LIMCH1: variants seen among roughly 807,000 people sequenced by gnomAD.
LIMCH1 encodes the protein LIM and calponin homology domains-containing protein 1.
Under a neutral mutation model 176.5 loss-of-function variants are expected in LIMCH1, and 113 were observed. The observed-to-expected ratio is 0.64, with a 90% CI of 0.55 to 0.75. The LOEUF (loss-of-function observed/expected upper bound fraction) is 0.75. Among genes scored for constraint, LIMCH1 ranks in the 30% least tolerant of loss-of-function variants. The pLI is 0.00. For synonymous variants in LIMCH1, 619 were observed against 645.9 expected (o/e 0.96, Z 0.63); for missense variants, 1,674 against 1,814.9 (o/e 0.92, Z 1.41).
intron 20 of LIMCH1, among the ~76,000 whole-genome samples, chr4:41,665,327 G>T (rs2094785658): frequency 6.6e-6 from 1 of 152,178 alleles, no homozygotes; most frequent in South Asian, 2.1e-4. Flanking sequence ...CCACTACAAG[G>T]AAATGCTATG....
intron 1 of LIMCH1, among the ~76,000 whole-genome samples, chr4:41,455,675 A>G (rs2064504522): frequency 6.6e-6 from 1 of 152,254 alleles, no homozygotes; most frequent in South Asian, 2.1e-4. Flanking sequence ...TGTATGGCAA[A>G]CATGCTGATG....
At chr4:41,382,849 T>A (rs2055900633) in intron 1 of LIMCH1, among the ~76,000 whole-genome samples, 1 of 152,164 alleles carries the variant, frequency 6.6e-6, no homozygotes, top group Admixed American at 6.5e-5. Context: ...TGGAGTGCAG[T>A]GGCACAATCT....
In LIMCH1 at chr4:41,633,648, C is replaced by A. The variant is rs780849247; in HGVS notation, c.1930C>A (p.Arg644=). The A allele has an allele frequency of 1.3e-6, 2 of 1,535,928 alleles. No homozygotes were observed. The highest frequency in any genetic ancestry group is 1.4e-5 in the African/African-American group (1 of 72,998). The change falls in exon 13 of 32, where the codon CGA becomes AGA. Residue 644 remains arginine (R), a synonymous_variant. Coordinates refer to ENST00000503057, the MANE Select transcript of LIMCH1 (RefSeq NM_001330672.2). ...GAGTGGCAGTGGACTGAAAGGCCAG[C>A]GAAAGTTGGATGATTCACGAAAAGA... The part of the protein sequence containing the change: ...AWSGSGLKGQ[R]KLDDSRKDDM...
intron 1 of LIMCH1, among the ~76,000 whole-genome samples, chr4:41,461,817 G>T (rs2065403500): frequency 6.6e-6 from 1 of 152,198 alleles, no homozygotes; most frequent in African/African-American, 2.4e-5. Context: ...GCTTTGCATG[G>T]AAATCATTAC....
At chr4:41,439,145 A>G (rs550924187) in intron 1 of LIMCH1, among the ~76,000 whole-genome samples, 73 of 152,328 alleles carry the variant, frequency 4.8e-4, no homozygotes, top group African/African-American at 1.7e-3. Context: ...ACAAACTTGA[A>G]TTCCAGCAAG....
intron 1 of LIMCH1, among the ~76,000 whole-genome samples, chr4:41,572,320 C>T (rs545248141): frequency 4.4e-4 from 67 of 152,082 alleles, no homozygotes; most frequent in African/African-American, 1.4e-3. Context: ...CAAAATTTGA[C>T]GATTGGCAAT....
chr4:41,454,158 C>T (rs967631071), intron 1 of LIMCH1, among the ~76,000 whole-genome samples: 3 of 152,146 alleles, frequency 2.0e-5, no homozygotes, highest in African/African-American at 4.8e-5. Flanking sequence ...ATGCTCCCTT[C>T]ATGACCCTCA....
chr4:41,396,278 GT>G (rs1413689602), intron 1 of LIMCH1, among the ~76,000 whole-genome samples: 1 of 152,000 alleles, frequency 6.6e-6, no homozygotes, highest in South Asian at 2.1e-4. Flanking sequence ...CTTTGTTAAG[GT>G]TTCAAAAATA....
At chr4:41,427,114 GGC>G (rs2061180571) in intron 1 of LIMCH1, among the ~76,000 whole-genome samples, 1 of 152,180 alleles carries the variant, frequency 6.6e-6, no homozygotes, top group Non-Finnish European at 1.5e-5. Flanking sequence ...CAGAGAAAGT[GGC>G]AGGACTTAAG....
rs2093315811 is a variant in LIMCH1, at chr4:41,631,383, G to A, written c.1507G>A (p.Gly503Ser). 1 of 1,536,140 alleles carries A rather than the reference G, an allele frequency of 6.5e-7. No homozygotes were observed. Among genetic ancestry groups the A allele is most frequent in the Non-Finnish European group, 8.7e-7 (1 of 1,146,942 alleles). ...GGATGAAGAAGAAGTCATCTGTCAT[G>A]GCAGCAAGATTCAAATGGACTCTGT... ...REDEEEVICH[G>S]SKIQMDSVSP... Residue 503 changes from glycine (G) to serine (S), a missense_variant, in exon 10 of 32, where the codon GGC becomes AGC. Physicochemically the swap from Gly to Ser is moderately conservative, Grantham distance 56. This residue lies in a region of LIMCH1 where 655 missense variants were observed against 692.2 expected (regional missense o/e 0.95). Coordinates refer to ENST00000503057, the MANE Select transcript of LIMCH1 (RefSeq NM_001330672.2).
chr4:41,527,619 A>G (rs2076793936), intron 3 of LIMCH1, among the ~76,000 whole-genome samples: 1 of 152,042 alleles, frequency 6.6e-6, no homozygotes, highest in African/African-American at 2.4e-5. Flanking sequence ...GCGGATCACG[A>G]TGTCAGGAGA....
intron 1 of LIMCH1, among the ~76,000 whole-genome samples, chr4:41,572,747 A>T (rs1237094159): frequency 6.6e-6 from 1 of 152,214 alleles, no homozygotes; most frequent in African/African-American, 2.4e-5. Context: ...TGATTTCAGT[A>T]TCTTGGCAGT....
chr4:41,360,349 G>T (rs1014253872), upstream of LIMCH1, among the ~76,000 whole-genome samples: 3 of 152,168 alleles, frequency 2.0e-5, no homozygotes, highest in Non-Finnish European at 2.9e-5. The surrounding 1 kb of genome is among the most constrained non-coding windows in gnomAD (Gnocchi z 4.5). Flanking sequence ...CGCAGCGCCC[G>T]CTCCCCCGGG....
intron 1 of LIMCH1, among the ~76,000 whole-genome samples, chr4:41,419,654 TTCCTTCCTTCCTTCCTTCCTTCCTTCC>T (rs2060374207): frequency 2.1e-5 from 1 of 47,826 alleles, no homozygotes; most frequent in African/African-American, 1.4e-4. Context: ...TTCTTCCTCC[TTCCTTCCTTCCTTCCTTCCTTCCTTCC>T]TCCTTCCTTC....
At chr4:41,583,687 T>C (rs1014572460) in intron 1 of LIMCH1, among the ~76,000 whole-genome samples, 31 of 152,110 alleles carry the variant, frequency 2.0e-4, no homozygotes, top group African/African-American at 7.5e-4. Flanking sequence ...AAAATTGGAA[T>C]AGTAAAGGCA....
chr4:41,482,622 C>T (rs188106621), intron 1 of LIMCH1, among the ~76,000 whole-genome samples: 4 of 152,068 alleles, frequency 2.6e-5, no homozygotes, highest in Admixed American at 1.3e-4. Context: ...GCCAGGAAAG[C>T]GTGGCCTTAT....
chr4:41,597,022 C>A (rs979077597), intron 1 of LIMCH1, among the ~76,000 whole-genome samples: 1 of 152,096 alleles, frequency 6.6e-6, no homozygotes, highest in Non-Finnish European at 1.5e-5. Flanking sequence ...TCTACCTCCC[C>A]CCAACCCCAC....
intron 18 of LIMCH1, among the ~76,000 whole-genome samples, chr4:41,659,697 A>C (rs2094557234): frequency 6.6e-6 from 1 of 152,160 alleles, no homozygotes; most frequent in Admixed American, 6.5e-5. Flanking sequence ...AATTTATGCA[A>C]TATTTCATAC....
In LIMCH1 at chr4:41,647,554, T is replaced by C. The variant is rs868868944; in HGVS notation, c.2820+661T>C. Among the ~76,000 whole-genome samples, 9 of 152,354 alleles carry C rather than the reference T, an allele frequency of 5.9e-5. No homozygotes were observed. In the Middle Eastern group the frequency reaches 0.014, roughly 230 times the overall value. On this transcript the variant is annotated intron_variant, in intron 17 of 31. Coordinates refer to ENST00000503057, the MANE Select transcript of LIMCH1 (RefSeq NM_001330672.2). ...ATCTTTTCGCTTCCTCAAATTCAAG[T>C]ACTTTCTCTTATATCAGGAGGAAGC...
Sources: allele counts gnomAD v4.1 joint callset (sites outside exome capture counted in the v4.1 genomes callset), GRCh38; gene constraint gnomAD v4.1.1; regional missense constraint gnomAD v4.1.1; non-coding constraint Gnocchi (gnomAD v3.1); transcripts MANE v1.5; gene names NCBI Gene and HGNC (gene_info 2026-07-23, HGNC 2026-07-21).